Variants in DDIAS observed in about 807,000 individuals in gnomAD.
DDIAS encodes the protein DNA damage-induced apoptosis suppressor protein.
In DDIAS, 14 loss-of-function variants were observed where a neutral mutation model predicts 15.7. The observed-to-expected ratio is 0.89, with a 90% CI of 0.59 to 1.39. The LOEUF (loss-of-function observed/expected upper bound fraction) is 1.39. Ranked by LOEUF, DDIAS falls within the 40% of genes most tolerant of loss-of-function variation. The probability of loss-of-function intolerance (pLI) is 0.00; values close to 1 mark genes in which losing one functional copy is unlikely to be tolerated. For missense variants in DDIAS, 1,035 were observed against 1,130.9 expected (o/e 0.92, Z 1.22); for synonymous variants, 355 against 395.9 (o/e 0.90, Z 1.23).
Position 82,911,325 on chromosome 11 carries a change from A to G in DDIAS, c.-116-1962A>G, listed in dbSNP as rs537058938. 2.6e-4 allele frequency among the ~76,000 whole-genome samples: 40 copies of G among 152,340 alleles called. 1 individual carries two copies. Among genetic ancestry groups the G allele is most frequent in the African/African-American group, 9.6e-4 (40 of 41,576 alleles). On this transcript the variant is annotated intron_variant, in intron 1 of 5. Transcript: ENST00000533655. ...AGAACTTCTTTCAGAATTGGAGTCA[A>G]TCTTCTCAAACCCTGCCACTGCTTA...
chr11:82,918,212 ATCTTCTAGAATTT>A (rs1381333408), intron 3 of DDIAS, among the ~76,000 whole-genome samples: 2 of 152,238 alleles, frequency 1.3e-5, no homozygotes, highest in East Asian at 3.9e-4. Context: ...TTCCAATGTT[ATCTTCTAGAATTT>A]TTATAGTTTC....
chr11:82,908,175 C>T (rs1463020937), intron 1 of DDIAS, among the ~76,000 whole-genome samples: 1 of 152,060 alleles, frequency 6.6e-6, no homozygotes, highest in African/African-American at 2.4e-5. Flanking sequence ...GGAAGAATAT[C>T]GTAGCCAAAG....
chr11:82,933,699 G>A lies in DDIAS; in HGVS notation c.2361G>A (p.Gly787=), dbSNP rs1293122220. ...GGTTCCACCAAACAAGAATTCATGG[G>A]ATAAACAGAGCTTTCAAAAAACCTG... The part of the protein sequence containing the change: ...ISGFHQTRIH[G]INRAFKKPVF... The change falls in exon 6 of 6, where the codon GGG becomes GGA. Residue 787 remains glycine (G), a synonymous_variant. Coordinates refer to ENST00000533655, the MANE Select transcript of DDIAS (RefSeq NM_145018.4). 1 of 1,613,968 alleles carries A rather than the reference G, an allele frequency of 6.2e-7. No homozygotes were observed. The highest frequency in any genetic ancestry group is 1.1e-5 in the South Asian group (1 of 91,014).
At chr11:82,917,080 A>G (rs2121334400) in intron 3 of DDIAS, among the ~76,000 whole-genome samples, 1 of 152,346 alleles carries the variant, frequency 6.6e-6, no homozygotes, top group South Asian at 2.1e-4. Context: ...CCATGGAAAT[A>G]TAACCTGTTT....
intron 5 of DDIAS, 116 bp from the exon 6 acceptor site, chr11:82,931,616 C>T (rs2042253290): frequency 1.1e-6 from 1 of 907,228 alleles, no homozygotes; most frequent in Non-Finnish European, 1.7e-6. Flanking sequence ...GCCTCGGCCT[C>T]TCAAAGTGCT....
intron 2 of DDIAS, chr11:82,914,115 A>T: frequency 3.2e-6 from 1 of 315,096 alleles, no homozygotes; most frequent in South Asian, 2.4e-5. Context: ...TTTTGTATTT[A>T]GTGGAGATGG....
intron 5 of DDIAS, among the ~76,000 whole-genome samples, chr11:82,930,902 G>A (rs1317129961): frequency 6.6e-6 from 1 of 152,156 alleles, no homozygotes; most frequent in African/African-American, 2.4e-5. Context: ...CAAAGGGAAG[G>A]TAGAATCAAC....
chr11:82,921,578 T>C lies in DDIAS; in HGVS notation c.113+6727T>C, dbSNP rs1184023004. ...CAGTTTTTTTCTTTCTTTCTTTTTT[T>C]TTTTTTTTTTTTTTTTTGAGACGGA... is the stretch of plus-strand genomic sequence containing the variant. On this transcript the variant is annotated intron_variant, in intron 3 of 5. Transcript: ENST00000533655. Among the ~76,000 whole-genome samples the C allele has an allele frequency of 1.6e-4, 23 of 142,604 alleles. No homozygotes were observed. The East Asian group carries it at 2.0e-3, about 12-fold the overall frequency. The allele number at this position is 142,604 out of a possible 152,430, so 93.6% of individuals were successfully genotyped here. A position where few individuals can be genotyped will look rare whatever the true frequency, so the allele number is the denominator to read the frequency against.
At chr11:82,907,719 T>G (rs1380320026) in intron 1 of DDIAS, among the ~76,000 whole-genome samples, 7 of 152,190 alleles carry the variant, frequency 4.6e-5, no homozygotes, top group Non-Finnish European at 8.8e-5. Context: ...TTTTTTATTA[T>G]TTGTAGAGAT....
intron 1 of DDIAS, among the ~76,000 whole-genome samples, chr11:82,912,787 A>G (rs2888803): frequency 0.049 from 7,457 of 152,072 alleles, 272 homozygotes; most frequent in African/African-American, 0.1. Flanking sequence ...ACTAACCTTA[A>G]TTTTTGTTTC....
chr11:82,933,319 G>A lies in DDIAS; in HGVS notation c.1981G>A (p.Val661Ile), dbSNP rs774695352. The A allele has an allele frequency of 1.3e-5, 21 of 1,613,852 alleles. No homozygotes were observed. The highest frequency in any genetic ancestry group is 2.7e-5 in the African/African-American group (2 of 74,894). Residue 661 changes from valine (V) to isoleucine (I), a missense_variant, in exon 6 of 6, where the codon GTA becomes ATA. Transcript: ENST00000533655. ...EMPWGHINNN[V>I]TQSYSIGYEG... ...GCCTTGGGGACATATCAATAACAACGTAACACAGAGCTATTCTATTGGTTA... is the reference window on the plus strand; with the variant it reads ...GCCTTGGGGACATATCAATAACAACATAACACAGAGCTATTCTATTGGTTA...
chr11:82,906,732 A>G (rs1860439959), intron 1 of DDIAS, among the ~76,000 whole-genome samples: 2 of 152,176 alleles, frequency 1.3e-5, no homozygotes, highest in Non-Finnish European at 2.9e-5. Flanking sequence ...AAAAATTAGA[A>G]GTGAGGATAA....
chr11:82,911,276 G>C (rs1860526249), intron 1 of DDIAS, among the ~76,000 whole-genome samples: 1 of 152,142 alleles, frequency 6.6e-6, no homozygotes, highest in Non-Finnish European at 1.5e-5. Context: ...ATGTAATGCT[G>C]TTTGATAGCG....
At chr11:82,931,234 TTACTC>T (rs145330978) in intron 5 of DDIAS, among the ~76,000 whole-genome samples, 3,233 of 152,292 alleles carry the variant, frequency 0.021, 135 homozygotes, top group African/African-American at 0.074. Flanking sequence ...AACAAGCTCT[TTACTC>T]TAAGGTTTAT....
At chr11:82,906,954 A>G (rs1270337561) in intron 1 of DDIAS, among the ~76,000 whole-genome samples, 15 of 152,224 alleles carry the variant, frequency 9.9e-5, no homozygotes, top group East Asian at 1.9e-4. Flanking sequence ...TGAGCTTGGC[A>G]CTGAAGATAT....
intron 3 of DDIAS, among the ~76,000 whole-genome samples, chr11:82,919,957 T>C (rs948783969): frequency 6.6e-6 from 1 of 152,178 alleles, no homozygotes; most frequent in Non-Finnish European, 1.5e-5. Flanking sequence ...TCTCCTAACC[T>C]CATGATCCGC....
chr11:82,930,042 T>C, intron 4 of DDIAS, 115 bp from the exon 5 acceptor site: 1 of 607,652 alleles, frequency 1.6e-6, no homozygotes, highest in Non-Finnish European at 2.8e-6. Context: ...AAGTCACTTT[T>C]TTTCCTCTAT....
intron 1 of DDIAS, among the ~76,000 whole-genome samples, chr11:82,908,873 CT>C (rs1483671424): frequency 6.6e-6 from 1 of 152,212 alleles, no homozygotes; most frequent in Non-Finnish European, 1.5e-5. Context: ...GACCAAGCTG[CT>C]TTTTGTTCTT....
chr11:82,919,292 G>GT (rs1298971561), intron 3 of DDIAS, among the ~76,000 whole-genome samples: 1 of 152,184 alleles, frequency 6.6e-6, no homozygotes, highest in African/African-American at 2.4e-5. Context: ...TTCGCTGAGA[G>GT]TTTTAATCAT....
Sources: allele counts gnomAD v4.1 joint callset (sites outside exome capture counted in the v4.1 genomes callset), GRCh38; gene constraint gnomAD v4.1.1; transcripts MANE v1.5; gene names NCBI Gene and HGNC (gene_info 2026-07-23, HGNC 2026-07-21).